ACSF2: variants seen among roughly 807,000 people sequenced by gnomAD.
ACSF2 encodes acyl-CoA synthetase family member 2, also known as medium-chain acyl-CoA ligase ACSF2, mitochondrial.
A neutral mutation model predicts 79.3 loss-of-function variants in ACSF2; 52 were observed. The observed-to-expected ratio is 0.66, with a 90% confidence interval of 0.53 to 0.83. ACSF2 has a LOEUF of 0.83. Among genes scored for constraint, ACSF2 ranks in the 40% least tolerant of loss-of-function variants. The pLI, the probability that ACSF2 is intolerant of heterozygous loss-of-function variation, is 0.00. For synonymous variants in ACSF2, 283 were observed against 312.6 expected (o/e 0.91, Z 1.00); for missense variants, 661 against 803.3 (o/e 0.82, Z 2.14).
At chr17:50,449,809 T>G (rs2031554933) in intron 1 of ACSF2, among the ~76,000 whole-genome samples, 1 of 152,194 alleles carries the variant, frequency 6.6e-6, no homozygotes, top group Admixed American at 6.5e-5. Flanking sequence ...TTTAGTGGTA[T>G]TAAGTACAGT....
rs2032506928 is a variant in ACSF2 at position 50,463,858 on chromosome 17, A to G, written c.1087A>G (p.Ile363Val). 3 of 1,614,076 alleles carry G rather than the reference A, an allele frequency of 1.9e-6. No individual in the cohort carries two copies. Among genetic ancestry groups the G allele is most frequent in the Non-Finnish European group, 2.5e-6 (3 of 1,179,992 alleles). The change falls in exon 9 of 16, where the codon ATT becomes GTT. Residue 363 changes from isoleucine to valine, a missense_variant. Coordinates refer to ENST00000300441, the MANE Select transcript of ACSF2 (RefSeq NM_025149.6). The surrounding 1 kb of genome is among the most constrained non-coding windows in gnomAD (Gnocchi z 4.6). The part of the protein sequence containing the change: ...LYGTPTMFVD[I>V]LNQPDFSSYD... ...TGGTACCCCCACGATGTTCGTGGAC[A>G]TTCTGAACCAGCCAGACTTCTCCAG... is the stretch of plus-strand genomic sequence containing the variant.
chr17:50,427,084 A>G, intron 1 of ACSF2: 2 of 1,229,206 alleles, frequency 1.6e-6, no homozygotes, highest in South Asian at 1.4e-5. Flanking sequence ...CACTCATGTT[A>G]TCAGGGCTGT....
At chr17:50,439,571 GA>G (rs1379141823) in intron 1 of ACSF2, among the ~76,000 whole-genome samples, 1 of 152,152 alleles carries the variant, frequency 6.6e-6, no homozygotes, top group Non-Finnish European at 1.5e-5. Flanking sequence ...CTGTGCTGAA[GA>G]GTTCTTTTTT....
intron 1 of ACSF2, among the ~76,000 whole-genome samples, chr17:50,428,336 C>G (rs554348795): frequency 6.6e-6 from 1 of 151,796 alleles, no homozygotes; most frequent in Non-Finnish European, 1.5e-5. Context: ...AAAAATCAGC[C>G]GGGCGTGGTG....
intron 11 of ACSF2, 191 bp from the exon 12 acceptor site, chr17:50,472,237 C>T (rs959819779): frequency 1.7e-6 from 1 of 598,806 alleles, no homozygotes; most frequent in African/African-American, 1.9e-5. Context: ...CAGCTCAGGT[C>T]TCTCACTGGC....
At chr17:50,456,041 G>T (rs745816438) in intron 1 of ACSF2, among the ~76,000 whole-genome samples, 1 of 152,120 alleles carries the variant, frequency 6.6e-6, no homozygotes, top group African/African-American at 2.4e-5. Flanking sequence ...CCCTCACAAG[G>T]CATGAACAAT....
chr17:50,432,582 G>A (rs896100060), intron 1 of ACSF2, among the ~76,000 whole-genome samples: 2 of 152,224 alleles, frequency 1.3e-5, no homozygotes, highest in Non-Finnish European at 1.5e-5. Flanking sequence ...CATCTTCTGG[G>A]TTGGCCTTGC....
intron 10 of ACSF2, chr17:50,467,705 T>G (rs962372122): frequency 4.1e-5 from 10 of 243,368 alleles, no homozygotes; most frequent in South Asian, 1.5e-4. Flanking sequence ...AGAGGAGGGG[T>G]GGAAGGCCCA....
intron 1 of ACSF2, among the ~76,000 whole-genome samples, chr17:50,458,000 C>G (rs2032112919): frequency 1.3e-5 from 2 of 152,164 alleles, no homozygotes; most frequent in African/African-American, 4.8e-5. Flanking sequence ...TGCAGGGGCC[C>G]AGGAATTTGC....
At chr17:50,449,010 C>CTTT (rs1157696530) in intron 1 of ACSF2, among the ~76,000 whole-genome samples, 66 of 101,194 alleles carry the variant, frequency 6.5e-4, no homozygotes, top group African/African-American at 6.5e-4. Flanking sequence ...AATATGTAGT[C>CTTT]TTTTTTTTTT....
intron 1 of ACSF2, chr17:50,427,020 G>C: frequency 1.3e-6 from 2 of 1,530,512 alleles, no homozygotes; most frequent in Non-Finnish European, 1.8e-6. Flanking sequence ...GTCCTTGGGA[G>C]GACCCCGTGA....
At chr17:50,441,338 A>C (rs1343972473) in intron 1 of ACSF2, among the ~76,000 whole-genome samples, 1 of 151,998 alleles carries the variant, frequency 6.6e-6, no homozygotes, top group Non-Finnish European at 1.5e-5. Context: ...ACCCAGCTAA[A>C]TTTTTTTGGT....
intron 1 of ACSF2, among the ~76,000 whole-genome samples, chr17:50,456,072 C>T (rs1033599439): frequency 6.6e-6 from 1 of 152,184 alleles, no homozygotes; most frequent in Non-Finnish European, 1.5e-5. Flanking sequence ...TATACGTGGT[C>T]TTCCCAGCAC....
chr17:50,467,343 G>T (rs964179016), intron 10 of ACSF2, among the ~76,000 whole-genome samples: 2 of 152,198 alleles, frequency 1.3e-5, no homozygotes, highest in African/African-American at 4.8e-5. Flanking sequence ...GACAATAGTG[G>T]TCTTGCCTTT....
chr17:50,462,196 GC>G lies in ACSF2; in HGVS notation c.523del (p.Val176CysfsTer15). On this transcript the variant is annotated frameshift_variant, in exon 5 of 16. Coordinates refer to ENST00000300441, the MANE Select transcript of ACSF2 (RefSeq NM_025149.6). LOFTEE classifies it high-confidence loss of function. ...EYVLKKVGCK[A>X]LVFPKQFKTQ... is the part of the protein sequence containing the mutation. ...TCCCCTTCCACAGGTGGGCTGCAAG[GC>G]CCTTGTGTTCCCCAAGCAATTCAAG... 5 of 1,613,898 alleles carry G rather than the reference GC, an allele frequency of 3.1e-6. No individual in the cohort carries two copies. The highest frequency in any genetic ancestry group is 4.2e-6 in the Non-Finnish European group (5 of 1,179,960).
chr17:50,464,224 T>C lies in ACSF2; in HGVS notation c.1145T>C (p.Ile382Thr). The change falls in exon 10 of 16, where the codon ATT becomes ACT. Residue 382 changes from isoleucine to threonine, a missense_variant. By Grantham distance (89) the Ile-to-Thr change is moderately conservative. Transcript: ENST00000300441. ...YDISTMCGGVIAGSPAPPELI... is the reference protein window; with the variant it reads ...YDISTMCGGVTAGSPAPPELI... ...AGCCCTCTCTCTGATTCAGGTGTCA[T>C]TGCTGGGTCCCCTGCACCTCCAGAG... 6.2e-6 allele frequency: 10 copies of C among 1,614,108 alleles called. No individual in the cohort carries two copies. The highest frequency in any genetic ancestry group is 8.5e-6 in the Non-Finnish European group (10 of 1,180,014).
chr17:50,464,685 G>A, intron 10 of ACSF2: 1 of 455,690 alleles, frequency 2.2e-6, no homozygotes, highest in Non-Finnish European at 4.4e-6. Flanking sequence ...TTGTTTCCAC[G>A]TGGCAGGGAA....
rs955877173 is a variant in ACSF2, at chr17:50,471,192, C to T, written c.1323+57C>T. The stretch of plus-strand genomic sequence containing the variant: ...CCTCCCGTCACCCAGCTGGGGTGCA[C>T]CCAGCTGGGACATCGGTTGCTTTCA... On this transcript the variant is annotated intron_variant, in intron 11 of 15. Transcript: ENST00000300441. The surrounding 1 kb of genome is among the most constrained non-coding windows in gnomAD (Gnocchi z 4.1). 1.4e-6 allele frequency: 2 copies of T among 1,446,124 alleles called. No homozygotes were observed. The highest frequency in any genetic ancestry group is 1.9e-6 in the Non-Finnish European group (2 of 1,029,168). 89.6% of individuals were successfully genotyped at this position (1,446,124 alleles called of 1,614,324 possible).
intron 10 of ACSF2, chr17:50,468,385 G>T: frequency 6.2e-7 from 1 of 1,614,222 alleles, no homozygotes; most frequent in Non-Finnish European, 8.5e-7. Flanking sequence ...CCAGCGGGGA[G>T]AGCAACCCCC....
Sources: allele counts gnomAD v4.1 joint callset (sites outside exome capture counted in the v4.1 genomes callset), GRCh38; gene constraint gnomAD v4.1.1; non-coding constraint Gnocchi (gnomAD v3.1); transcripts MANE v1.5; gene names NCBI Gene and HGNC (gene_info 2026-07-23, HGNC 2026-07-21).